HCN2: variants seen among roughly 807,000 people sequenced by gnomAD.
HCN2 encodes potassium/sodium hyperpolarization-activated cyclic nucleotide-gated channel 2.
A neutral mutation model predicts 52.3 loss-of-function variants in HCN2; 20 were observed. The observed-to-expected ratio is 0.38, with a 90% confidence interval of 0.27 to 0.56. The LOEUF (loss-of-function observed/expected upper bound fraction) is 0.56, where lower values mean the gene tolerates loss of function less well. Ranked by LOEUF, HCN2 falls within the 20% of genes least tolerant of loss-of-function variation. The pLI is 0.71. For missense variants in HCN2, 981 were observed against 1,207.7 expected, an observed-to-expected ratio of 0.81 and a Z score of 2.78; for synonymous variants, 694 against 537.0, an observed-to-expected ratio of 1.29 and a Z score of -4.04.
intron 5 of HCN2, among the ~76,000 whole-genome samples, chr19:610,899 G>T (rs980379421): frequency 6.6e-6 from 1 of 152,004 alleles, no homozygotes; most frequent in Non-Finnish European, 1.5e-5. Context: ...ATCAAGGCGT[G>T]GGCCGGGCCG....
intron 3 of HCN2, 67 bp from the exon 4 acceptor site, chr19:607,897 C>G: frequency 7.7e-7 from 1 of 1,299,482 alleles, no homozygotes; most frequent in East Asian, 2.5e-5. Flanking sequence ...GCGCTGGGCC[C>G]TTGAGGACCG....
chr19:590,613 G>A lies in HCN2; in HGVS notation c.632+36G>A, dbSNP rs760485942. The A allele has an allele frequency of 2.3e-6, 3 of 1,316,834 alleles. No homozygotes were observed. The highest frequency in any genetic ancestry group is 2.9e-6 in the Non-Finnish European group (3 of 1,021,030). The allele number at this position is 1,316,834 out of a possible 1,614,324, so 81.6% of individuals were successfully genotyped here. A position where few individuals can be genotyped will look rare whatever the true frequency, so the allele number is the denominator to read the frequency against. ...CGGGAGGGCCGGTCGGCGCGAGGGG[G>A]CCCGGGGAGCCGGGCGCGCGGGGAG... On this transcript the variant is annotated intron_variant, in intron 1 of 7. Transcript: ENST00000251287. This position sits in a 1 kb window ranked among gnomAD's most constrained non-coding sequence, Gnocchi z 7.2.
Position 593,140 on chromosome 19 carries a change from C to T in HCN2, c.632+2563C>T, listed in dbSNP as rs75053050. On this transcript the variant is annotated intron_variant, in intron 1 of 7. Transcript: ENST00000251287. ...TTCTTCCTCGCTGCCCAGCTGTCTC[C>T]GCCACGCCCAAGTCCACCCTGCTCC... 6.2e-3 allele frequency among the ~76,000 whole-genome samples: 949 copies of T among 152,360 alleles called. 6 individuals carry two copies. The highest frequency in any genetic ancestry group is 0.021 in the African/African-American group (890 of 41,576).
At position 616,452 on chromosome 19, in the gene HCN2, C is replaced by T; in HGVS notation, c.2648C>T (p.Ser883Leu). Residue 883 changes from serine (S) to leucine (L), a missense_variant, in exon 8 of 8, where the codon TCG (serine) becomes TTG (leucine). By Grantham distance (145) the Ser-to-Leu change is moderately radical (BLOSUM62 -2). Coordinates refer to ENST00000251287, the MANE Select transcript of HCN2 (RefSeq NM_001194.4). The part of the protein sequence containing the change: ...GGLDPQDSAR[S>L]RLSSNL The stretch of plus-strand genomic sequence containing the variant: ...CTGGACCCCCAGGACTCCGCGCGCT[C>T]GCGCCTCTCGTCCAACTTGTGACCC... 3 of 1,241,122 alleles carry T rather than the reference C, an allele frequency of 2.4e-6. No homozygotes were observed. Among genetic ancestry groups the T allele is most frequent in the East Asian group, 4.0e-5 (1 of 25,102 alleles). The allele number at this position is 1,241,122 out of a possible 1,614,324, so 76.9% of individuals were successfully genotyped here. A position where few individuals can be genotyped will look rare whatever the true frequency, so the allele number is the denominator to read the frequency against.
rs1403694252 is a variant in HCN2 at position 613,497 on chromosome 19, G to A, written c.1825+9G>A. 1.3e-6 allele frequency: 2 copies of A among 1,584,160 alleles called. No homozygotes were observed. Among genetic ancestry groups the A allele is most frequent in the African/African-American group, 1.4e-5 (1 of 72,972 alleles). On this transcript the variant is annotated intron_variant, in intron 6 of 7. Transcript: ENST00000251287. ...TGGCTCCTACTTCGGGGGTGAGCTT[G>A]AGGGGGGCGCGCCTGGAGGGGGAGG... is the stretch of plus-strand genomic sequence containing the variant.
At position 605,192 on chromosome 19, in the gene HCN2, C is replaced by T; in HGVS notation, c.1188C>T (p.Arg396=). The change falls in exon 3 of 8, where the codon CGC becomes CGT. Residue 396 remains arginine (R), a synonymous_variant. Coordinates refer to ENST00000251287, the MANE Select transcript of HCN2 (RefSeq NM_001194.4). ...TGCCTATGCTGCAGGACTTCCCGCG[C>T]AACTGCTGGGTGTCCATCAATGGCA... ...FLVPMLQDFP[R]NCWVSINGMV... is the part of the protein sequence containing the mutation. The T allele has an allele frequency of 6.2e-7, 1 of 1,610,896 alleles. No individual in the cohort carries two copies. Among genetic ancestry groups the T allele is most frequent in the Non-Finnish European group, 8.5e-7 (1 of 1,179,552 alleles).
In HCN2 at chr19:616,636, C is replaced by T. The variant is rs546915808; in HGVS notation, c.*162C>T. 8.8e-5 allele frequency: 27 copies of T among 307,816 alleles called. No homozygotes were observed. The South Asian group carries it at 2.7e-3, about 31-fold the overall frequency. The allele number at this position is 307,816 out of a possible 1,614,324, so 19.1% of individuals were successfully genotyped here. A position where few individuals can be genotyped will look rare whatever the true frequency, so the allele number is the denominator to read the frequency against. On this transcript the variant is annotated 3_prime_UTR_variant, in exon 8 of 8. Transcript: ENST00000251287. ...GGACGGGCAGGGCCGGCGGGGCAGCCCCCTCCGCGCCCCCGGCCGTCCCCC... is the reference window on the plus strand; with the variant it reads ...GGACGGGCAGGGCCGGCGGGGCAGCTCCCTCCGCGCCCCCGGCCGTCCCCC...
In HCN2 at chr19:592,334, C is replaced by T. The variant is rs1208967558; in HGVS notation, c.632+1757C>T. 1.3e-5 allele frequency among the ~76,000 whole-genome samples: 2 copies of T among 152,242 alleles called. No homozygotes were observed. The highest frequency in any genetic ancestry group is 2.1e-4 in the South Asian group (1 of 4,834). Reference sequence around the variant, plus strand: ...TCCCTCCCCTGGGCAGCTCCAGCGACCCCCTGGCTGCAGAGGGGCGGTCGG... The same window carrying T: ...TCCCTCCCCTGGGCAGCTCCAGCGATCCCCTGGCTGCAGAGGGGCGGTCGG... On this transcript the variant is annotated intron_variant, in intron 1 of 7. Transcript: ENST00000251287. This position sits in a 1 kb window ranked among gnomAD's most constrained non-coding sequence, Gnocchi z 4.8.
Position 608,156 on chromosome 19 carries a change from T to G in HCN2, c.1411T>G (p.Ser471Ala). The G allele has an allele frequency of 6.2e-7, 1 of 1,612,948 alleles. No homozygotes were observed. The highest frequency in any genetic ancestry group is 8.5e-7 in the Non-Finnish European group (1 of 1,179,972). ...CACTGCCCTCATCCAGTCGCTGGACTCCTCGCGGCGCCAGTACCAGGAGAA... is the reference window on the plus strand; with the variant it reads ...CACTGCCCTCATCCAGTCGCTGGACGCCTCGCGGCGCCAGTACCAGGAGAA... ...HATALIQSLD[S>A]SRRQYQEKYK... The change falls in exon 4 of 8, where the codon TCC (serine) becomes GCC (alanine). Residue 471 changes from serine to alanine, a missense_variant. By Grantham distance (99) the Ser-to-Ala change is moderately conservative (BLOSUM62 1). Around this residue, in one of 6 missense-constraint regions of HCN2, gnomAD observed 282 missense variants for 553.8 expected, o/e 0.51. Transcript: ENST00000251287.
At chr19:605,278 G>C in intron 3 of HCN2, 56 bp downstream of exon 3, 3 of 1,566,178 alleles carry the variant, frequency 1.9e-6, no homozygotes, top group South Asian at 2.3e-5. Context: ...ACAGAGGGGG[G>C]ACCCAGGCCC....
chr19:610,330 C>T lies in HCN2; in HGVS notation c.1509C>T (p.Tyr503=). 8.1e-6 allele frequency: 13 copies of T among 1,613,826 alleles called. No homozygotes were observed. Among genetic ancestry groups the T allele is most frequent in the Non-Finnish European group, 1.1e-5 (13 of 1,179,796 alleles). Reference sequence around the variant, plus strand: ...ACTTCCGCCAGAAGATCCACGACTACTATGAGCACCGTTACCAGGGCAAGA... The same window carrying T: ...ACTTCCGCCAGAAGATCCACGACTATTATGAGCACCGTTACCAGGGCAAGA... ...PADFRQKIHD[Y]YEHRYQGKMF... is the part of the protein sequence containing the mutation. The change falls in exon 5 of 8, where the codon TAC becomes TAT. Residue 503 remains tyrosine (Y), a synonymous_variant. Coordinates refer to ENST00000251287, the MANE Select transcript of HCN2 (RefSeq NM_001194.4).
chr19:613,447 G>T lies in HCN2; in HGVS notation c.1784G>T (p.Gly595Val). 1.3e-6 allele frequency: 2 copies of T among 1,547,718 alleles called. No individual in the cohort carries two copies. Among genetic ancestry groups the T allele is most frequent in the Non-Finnish European group, 1.8e-6 (2 of 1,142,646 alleles). ...GGCGTGGTCAGCGTGCTCACTAAGG[G>T]CAACAAGGAGATGAAGCTGTCCGAT... ...QHGVVSVLTK[G>V]NKEMKLSDGS... Residue 595 changes from glycine (G) to valine (V), a missense_variant, in exon 6 of 8, where the codon GGC becomes GTC. Gly to Val is a moderately radical substitution (Grantham distance 109, BLOSUM62 -3). Coordinates refer to ENST00000251287, the MANE Select transcript of HCN2 (RefSeq NM_001194.4).
chr19:607,009 C>T (rs554826132), intron 3 of HCN2, among the ~76,000 whole-genome samples: 2 of 151,802 alleles, frequency 1.3e-5, no homozygotes, highest in Non-Finnish European at 1.5e-5. Context: ...CCCGTCTCTA[C>T]TAAAAATACA....
At chr19:599,349 C>T (rs1052840339) in intron 1 of HCN2, among the ~76,000 whole-genome samples, 3 of 152,176 alleles carry the variant, frequency 2.0e-5, no homozygotes, top group Admixed American at 1.3e-4. Context: ...CCGGCGGCCA[C>T]GCCAGCGATG....
In HCN2 at chr19:608,307, T is replaced by C. The variant is rs1239682841; in HGVS notation, c.1437+125T>C. ...GGGAGGCAGGCCCGGTCCTGGGGTC[T>C]GAGGCTGGAGGGAGGCCTTGCCCTG... On this transcript the variant is annotated intron_variant, in intron 4 of 7. Coordinates refer to ENST00000251287, the MANE Select transcript of HCN2 (RefSeq NM_001194.4). The C allele has an allele frequency of 5.8e-6, 5 of 862,754 alleles. No homozygotes were observed. The East Asian group carries it at 1.3e-4, about 23-fold the overall frequency. The allele number at this position is 862,754 out of a possible 1,614,324, so 53.4% of individuals were successfully genotyped here.
Position 592,414 on chromosome 19 carries a change from G to A in HCN2, c.632+1837G>A, listed in dbSNP as rs980309464. Among the ~76,000 whole-genome samples the A allele has an allele frequency of 3.3e-5, 5 of 152,296 alleles. No individual in the cohort carries two copies. The highest frequency in any genetic ancestry group is 1.2e-4 in the African/African-American group (5 of 41,574). On this transcript the variant is annotated intron_variant, in intron 1 of 7. Coordinates refer to ENST00000251287, the MANE Select transcript of HCN2 (RefSeq NM_001194.4). This position sits in a 1 kb window ranked among gnomAD's most constrained non-coding sequence, Gnocchi z 4.8. ...GATCCCGGGGCTTGGGGGGAAGGCCGGTGGTAGGAGTGAAGCCCTCTCATC... is the reference window on the plus strand; with the variant it reads ...GATCCCGGGGCTTGGGGGGAAGGCCAGTGGTAGGAGTGAAGCCCTCTCATC...
chr19:596,292 G>A (rs1983027372), intron 1 of HCN2, among the ~76,000 whole-genome samples: 5 of 152,232 alleles, frequency 3.3e-5, no homozygotes, highest in South Asian at 2.1e-4. Context: ...GAGGCTGGGC[G>A]GCTGTTGGAG....
chr19:612,071 G>A (rs11085145), intron 5 of HCN2, among the ~76,000 whole-genome samples: 78,411 of 151,784 alleles, frequency 0.52, 21,855 homozygotes, highest in Non-Finnish European at 0.63. Context: ...CTTGAACCCA[G>A]GAGGCGGCGG....
Position 603,977 on chromosome 19 carries a change from G to A in HCN2, c.1056+10G>A. 3 of 1,589,948 alleles carry A rather than the reference G, an allele frequency of 1.9e-6. No individual in the cohort carries two copies. The highest frequency in any genetic ancestry group is 2.6e-6 in the Non-Finnish European group (3 of 1,170,582). ...CCATCAGTGGGAGGAGGTGAGGTGG[G>A]GCGGGGGCGGGGCCAAGGCAGCAGG... On this transcript the variant is annotated intron_variant, in intron 2 of 7. Coordinates refer to ENST00000251287, the MANE Select transcript of HCN2 (RefSeq NM_001194.4).
Sources: gnomAD v4.1 joint callset for allele counts (sites outside exome capture counted in the v4.1 genomes callset) on GRCh38, gnomAD v4.1.1 for gene constraint, gnomAD v4.1.1 regional missense constraint, Gnocchi (gnomAD v3.1) non-coding constraint, MANE v1.5 for transcripts, NCBI Gene and HGNC (gene_info 2026-07-23, HGNC 2026-07-21) for gene names.